Variants in FRMD3 observed in about 807,000 individuals in gnomAD.
FRMD3 encodes the protein FERM domain containing 3.
FRMD3 carries 33 observed loss-of-function variants against 70.2 expected under a neutral mutation model. The ratio of observed to expected loss-of-function variants is 0.47; its 90% CI spans 0.36 to 0.63. FRMD3 has a LOEUF of 0.63. FRMD3 is among the 20% of genes least tolerant of loss of function. FRMD3 has a pLI of 0.00. For missense variants in FRMD3, 632 were observed against 711.4 expected (o/e 0.89, Z 1.27); for synonymous variants, 279 against 255.9 (o/e 1.09, Z -0.86).
At chr9:83,368,431 A>G (rs992748248) in intron 3 of FRMD3, among the ~76,000 whole-genome samples, 3 of 152,122 alleles carry the variant, frequency 2.0e-5, no homozygotes, top group African/African-American at 7.2e-5. Flanking sequence ...TCCTGGGTTC[A>G]CGCCATTCTC....
At chr9:83,377,518 G>C (rs1026121811) in intron 2 of FRMD3, among the ~76,000 whole-genome samples, 2 of 152,180 alleles carry the variant, frequency 1.3e-5, no homozygotes, top group Non-Finnish European at 2.9e-5. Context: ...TTGGATCACA[G>C]GAGCAGATTT....
chr9:83,452,000 G>A (rs963670316), intron 1 of FRMD3, among the ~76,000 whole-genome samples: 1 of 152,146 alleles, frequency 6.6e-6, no homozygotes, highest in Non-Finnish European at 1.5e-5. Flanking sequence ...TAAACCCCAA[G>A]TCCCAGGACT....
At chr9:83,435,306 G>A (rs1827101695) in intron 1 of FRMD3, among the ~76,000 whole-genome samples, 1 of 152,054 alleles carries the variant, frequency 6.6e-6, no homozygotes, top group Admixed American at 6.5e-5. Context: ...AGATCCTTTG[G>A]TCCCTCCTAG....
intron 1 of FRMD3, among the ~76,000 whole-genome samples, chr9:83,448,729 G>A (rs1006769492): frequency 3.3e-5 from 5 of 152,282 alleles, no homozygotes; most frequent in Non-Finnish European, 5.9e-5. Flanking sequence ...CTCTGCTTTC[G>A]CTAAGATGAT....
chr9:83,463,651 A>G (rs988925580), intron 1 of FRMD3, among the ~76,000 whole-genome samples: 1 of 152,244 alleles, frequency 6.6e-6, no homozygotes, highest in African/African-American at 2.4e-5. Context: ...GCCAAACCAT[A>G]TCAGTAATAA....
intron 10 of FRMD3, among the ~76,000 whole-genome samples, chr9:83,305,792 T>C (rs62563597): frequency 0.18 from 27,465 of 152,202 alleles, 2,545 homozygotes; most frequent in African/African-American, 0.2. Flanking sequence ...TGAGGGTAGC[T>C]TGGTTAACTA....
chr9:83,295,104 G>A (rs1834607027), intron 12 of FRMD3, among the ~76,000 whole-genome samples: 1 of 152,186 alleles, frequency 6.6e-6, no homozygotes, highest in Non-Finnish European at 1.5e-5. Flanking sequence ...TCCAAATGAA[G>A]TTGTCATTAA....
chr9:83,365,106 T>G (rs1029481663), intron 3 of FRMD3, among the ~76,000 whole-genome samples: 4 of 152,184 alleles, frequency 2.6e-5, no homozygotes, highest in African/African-American at 9.7e-5. Context: ...GACCCACCAG[T>G]GGTCTTTTTA....
rs557618750 is a variant in FRMD3, at chr9:83,410,102, T to C, written c.148-20394A>G. ...TTAGCAATATCCTTCCTTTCACACATGGAAGAACCAGGAAACCCTAAATTC... is the reference window on the plus strand; with the variant it reads ...TTAGCAATATCCTTCCTTTCACACACGGAAGAACCAGGAAACCCTAAATTC... On this transcript the variant is annotated intron_variant, in intron 1 of 13. Transcript: ENST00000304195. Among the ~76,000 whole-genome samples, 926 of 152,338 alleles carry C rather than the reference T, an allele frequency of 6.1e-3. 8 individuals are homozygous for C. The highest frequency in any genetic ancestry group is 0.014 in the Middle Eastern group (4 of 294).
At chr9:83,412,700 A>G (rs1826313906) in intron 1 of FRMD3, among the ~76,000 whole-genome samples, 1 of 152,222 alleles carries the variant, frequency 6.6e-6, no homozygotes, top group Non-Finnish European at 1.5e-5. Context: ...ATTCTGCATC[A>G]AAATATGGTC....
At chr9:83,438,745 G>A (rs1223488662) in intron 1 of FRMD3, among the ~76,000 whole-genome samples, 2 of 152,204 alleles carry the variant, frequency 1.3e-5, no homozygotes, top group Non-Finnish European at 2.9e-5. Flanking sequence ...ATCTGACCCA[G>A]GGCAGAGCCC....
At chr9:83,546,257 T>G in the FRMD3 span, among the ~76,000 whole-genome samples, 1 of 152,184 alleles carries the variant, frequency 6.6e-6, no homozygotes, top group Non-Finnish European at 1.5e-5. Flanking sequence ...CATAGGAGGC[T>G]GAGGCATGAA....
chr9:83,335,461 A>C, intron 6 of FRMD3, 55 bp downstream of exon 6: 7 of 1,495,290 alleles, frequency 4.7e-6, no homozygotes, highest in South Asian at 1.2e-5. Flanking sequence ...CATTCCCTGC[A>C]GTAAGAATAT....
chr9:83,314,777 C>T (rs372329365), intron 6 of FRMD3, among the ~76,000 whole-genome samples: 7 of 143,458 alleles, frequency 4.9e-5, no homozygotes, highest in African/African-American at 1.5e-4. Flanking sequence ...TTTAATCCAA[C>T]AATGCATATC....
intron 1 of FRMD3, among the ~76,000 whole-genome samples, chr9:83,483,574 G>T (rs1382464459): frequency 6.6e-6 from 1 of 152,160 alleles, no homozygotes; most frequent in Non-Finnish European, 1.5e-5. Context: ...TGATACAAAT[G>T]TAACTTGTGG....
At chr9:83,490,049 C>T (rs1006185406) in intron 1 of FRMD3, among the ~76,000 whole-genome samples, 1 of 152,138 alleles carries the variant, frequency 6.6e-6, no homozygotes, top group Non-Finnish European at 1.5e-5. Flanking sequence ...CACTGGCGCC[C>T]AGCCCCTCTT....
intron 4 of FRMD3, 98 bp downstream of exon 4, chr9:83,349,581 C>T (rs1434054269): frequency 1.5e-5 from 11 of 730,210 alleles, no homozygotes; most frequent in East Asian, 5.5e-5. Flanking sequence ...AACACTGAGA[C>T]GGTCAGCTCT....
intron 3 of FRMD3, among the ~76,000 whole-genome samples, chr9:83,362,175 T>TTC (rs67469418): frequency 0.028 from 4,179 of 147,000 alleles, 64 homozygotes; most frequent in South Asian, 0.045. Context: ...ATGCTGTTGG[T>TTC]TCTCTCTCTC....
chr9:83,267,552 T>C (rs1833326924), intron 13 of FRMD3, among the ~76,000 whole-genome samples: 1 of 152,182 alleles, frequency 6.6e-6, no homozygotes, highest in Admixed American at 6.5e-5. Context: ...CAGCCTTTAT[T>C]ATATTCTACA....
Sources: allele counts gnomAD v4.1 joint callset (sites outside exome capture counted in the v4.1 genomes callset), GRCh38; gene constraint gnomAD v4.1.1; transcripts MANE v1.5; gene names NCBI Gene and HGNC (gene_info 2026-07-23, HGNC 2026-07-21).